RABGAP1: variants seen among roughly 807,000 people sequenced by gnomAD.
RABGAP1 encodes the protein rab GTPase-activating protein 1.
RABGAP1 carries 23 observed loss-of-function variants against 137.6 expected under a neutral mutation model. The ratio of observed to expected loss-of-function variants is 0.17; its 90% confidence interval spans 0.12 to 0.24. RABGAP1 has a LOEUF of 0.24. Ranked by LOEUF, RABGAP1 falls within the 10% of genes least tolerant of loss-of-function variation. The pLI, the probability that RABGAP1 is intolerant of heterozygous loss-of-function variation, is 1.00. For missense variants in RABGAP1, 906 were observed against 1,275.8 expected (o/e 0.71, Z 4.42); for synonymous variants, 451 against 450.7 (o/e 1.00, Z -0.01).
intron 13 of RABGAP1, among the ~76,000 whole-genome samples, chr9:123,025,186 T>A (rs1588289802): frequency 6.6e-6 from 1 of 152,346 alleles, no homozygotes. Context: ...AGAACTACCA[T>A]CTTTGTCATA....
chr9:123,029,530 C>G, intron 13 of RABGAP1: 2 of 802,690 alleles, frequency 2.5e-6, no homozygotes, highest in South Asian at 2.7e-5. Context: ...TCTTCAGTCT[C>G]TTAGAGACCA....
intron 17 of RABGAP1, among the ~76,000 whole-genome samples, chr9:123,075,330 A>G (rs2034477148): frequency 6.6e-6 from 1 of 152,156 alleles, no homozygotes; most frequent in African/African-American, 2.4e-5. Flanking sequence ...ATATTTAAAA[A>G]TATGATTGTT....
chr9:123,030,469 T>C (rs2032236671), intron 13 of RABGAP1, among the ~76,000 whole-genome samples: 1 of 152,212 alleles, frequency 6.6e-6, no homozygotes, highest in South Asian at 2.1e-4. Context: ...TAGTCATATA[T>C]ATATAGAAAG....
Position 123,056,156 on chromosome 9 carries a change from A to T in RABGAP1, c.1795-9192A>T, listed in dbSNP as rs1044583749. 2.6e-5 allele frequency among the ~76,000 whole-genome samples: 4 copies of T among 152,212 alleles called. No individual in the cohort carries two copies. In the South Asian group the frequency reaches 8.3e-4, roughly 32 times the overall value. ...TGCTAGGTGTGCTCCTTGCTACTGGATGTTTTTGCTTCTAGGCCCTGTCAA... is the reference window on the plus strand; with the variant it reads ...TGCTAGGTGTGCTCCTTGCTACTGGTTGTTTTTGCTTCTAGGCCCTGTCAA... On this transcript the variant is annotated intron_variant, in intron 13 of 25. Transcript: ENST00000373647.
At chr9:123,100,094 C>T (rs940570658) in intron 24 of RABGAP1, among the ~76,000 whole-genome samples, 1 of 152,110 alleles carries the variant, frequency 6.6e-6, no homozygotes, top group Non-Finnish European at 1.5e-5. Context: ...CTGCTGGACT[C>T]CAGGTGGGCA....
chr9:123,080,555 A>C (rs538056157), intron 19 of RABGAP1, among the ~76,000 whole-genome samples: 2 of 152,220 alleles, frequency 1.3e-5, no homozygotes, highest in African/African-American at 4.8e-5. Context: ...TGAACCTGTT[A>C]TGGGCAAAGT....
intron 1 of RABGAP1, among the ~76,000 whole-genome samples, chr9:122,945,147 C>CTTTTTCTTTTTTTTTTTTTTTTTT (rs1833873609): frequency 1.3e-5 from 1 of 75,770 alleles, no homozygotes; most frequent in Non-Finnish European, 2.9e-5. Flanking sequence ...ATAGCTGTTG[C>CTTTTTCTTTTTTTTTTTTTTTTTT]TTTTTTTTTT....
chr9:122,943,016 TAAAAAA>T (rs1833688658), intron 1 of RABGAP1, among the ~76,000 whole-genome samples: 1 of 139,916 alleles, frequency 7.1e-6, no homozygotes, highest in Non-Finnish European at 1.5e-5. Flanking sequence ...CATCAAAAAA[TAAAAAA>T]TAAAAAAACA....
intron 2 of RABGAP1, among the ~76,000 whole-genome samples, chr9:122,974,564 G>A (rs1384937414): frequency 8.6e-5 from 13 of 151,958 alleles, no homozygotes; most frequent in Non-Finnish European, 2.9e-5. Flanking sequence ...GGTGGAGGCA[G>A]GAGGATTGCC....
intron 2 of RABGAP1, among the ~76,000 whole-genome samples, chr9:122,976,781 A>G (rs1488927872): frequency 1.3e-5 from 2 of 152,236 alleles, no homozygotes; most frequent in Admixed American, 6.5e-5. Flanking sequence ...ACAAGTAGCA[A>G]TGCTAGAATA....
intron 13 of RABGAP1, chr9:123,035,412 C>G (rs773579952): frequency 1.9e-6 from 3 of 1,614,190 alleles, no homozygotes; most frequent in South Asian, 2.2e-5. Context: ...GCCACAGCAA[C>G]CGCTTCGCAT....
chr9:122,997,224 TG>T, intron 8 of RABGAP1, 34 bp from the exon 9 acceptor site: 1 of 1,508,724 alleles, frequency 6.6e-7, no homozygotes, highest in Non-Finnish European at 9.1e-7. Context: ...TCACTCACTG[TG>T]GCATTCGGGT....
chr9:123,032,810 T>C (rs2032375878), intron 13 of RABGAP1, among the ~76,000 whole-genome samples: 1 of 152,238 alleles, frequency 6.6e-6, no homozygotes, highest in South Asian at 2.1e-4. Context: ...TATAATATGA[T>C]ACAGTTTGCA....
rs183385815 is a variant in RABGAP1 at position 122,989,226 on chromosome 9, C to T, written c.591-71C>T. 1.7e-4 allele frequency: 224 copies of T among 1,353,570 alleles called. No homozygotes were observed. The African/African-American group carries it at 2.8e-3, about 17-fold the overall frequency. 83.8% of individuals were successfully genotyped at this position (1,353,570 alleles called of 1,614,324 possible). A position where few individuals can be genotyped will look rare whatever the true frequency, so the allele number is the denominator to read the frequency against. On this transcript the variant is annotated intron_variant, in intron 4 of 25. Transcript: ENST00000373647. The stretch of plus-strand genomic sequence containing the variant: ...TTCTTACTAGAAAGAATGAGTCTCA[C>T]ATCTTAATCTAAACGTAGTGCAGAT...
At chr9:123,101,016 C>G (rs2035329757) in intron 24 of RABGAP1, among the ~76,000 whole-genome samples, 1 of 152,142 alleles carries the variant, frequency 6.6e-6, no homozygotes, top group African/African-American at 2.4e-5. Flanking sequence ...CTTAGAGGAA[C>G]ATAAAATGAC....
chr9:122,971,686 A>C (rs947036013), intron 2 of RABGAP1: 9 of 152,270 alleles, frequency 5.9e-5, no homozygotes, highest in Admixed American at 3.9e-4. Flanking sequence ...TTAAAAGTGC[A>C]GCAGATATGT....
intron 10 of RABGAP1, among the ~76,000 whole-genome samples, chr9:123,005,403 T>A (rs1234668620): frequency 6.6e-6 from 1 of 152,124 alleles, no homozygotes; most frequent in Non-Finnish European, 1.5e-5. Context: ...CCCATACCCA[T>A]AGATAACAAT....
upstream of RABGAP1, among the ~76,000 whole-genome samples, chr9:122,940,640 A>G (rs896639925): frequency 6.6e-6 from 1 of 152,230 alleles, no homozygotes; most frequent in Non-Finnish European, 1.5e-5. Context: ...TGCACATGAA[A>G]GGTGAGCAGG....
intron 15 of RABGAP1, chr9:123,071,308 G>A (rs1426967533): frequency 2.0e-5 from 3 of 151,960 alleles, no homozygotes; most frequent in Non-Finnish European, 4.4e-5. Context: ...TTACTCCTTT[G>A]CCTTTTTTTG....
Sources: allele counts gnomAD v4.1 joint callset (sites outside exome capture counted in the v4.1 genomes callset), GRCh38; gene constraint gnomAD v4.1.1; transcripts MANE v1.5; gene names NCBI Gene and HGNC (gene_info 2026-07-23, HGNC 2026-07-21).